NEURL1: variants seen among roughly 807,000 people sequenced by gnomAD.
NEURL1 encodes E3 ubiquitin-protein ligase NEURL1.
Under a neutral mutation model 41.2 loss-of-function variants are expected in NEURL1, and 26 were observed. That is an observed-to-expected ratio of 0.63 (90% CI 0.46 to 0.87). The LOEUF (loss-of-function observed/expected upper bound fraction) is 0.87. Among genes scored for constraint, NEURL1 ranks in the 40% least tolerant of loss-of-function variants. The probability of loss-of-function intolerance (pLI) is 0.00; values close to 1 mark genes in which losing one functional copy is unlikely to be tolerated. For missense variants in NEURL1, 761 were observed against 871.1 expected (o/e 0.87, Z 1.59); for synonymous variants, 400 against 402.3 (o/e 0.99, Z 0.07).
At chr10:103,531,280 G>A (rs1476794802) in intron 1 of NEURL1, among the ~76,000 whole-genome samples, 5 of 152,160 alleles carry the variant, frequency 3.3e-5, no homozygotes, top group Non-Finnish European at 7.3e-5. Flanking sequence ...TTTACATAGT[G>A]CAGTTTAAAT....
intron 1 of NEURL1, among the ~76,000 whole-genome samples, chr10:103,518,250 A>G (rs1435202210): frequency 2.0e-5 from 3 of 152,098 alleles, no homozygotes; most frequent in African/African-American, 7.2e-5. Flanking sequence ...AAAGTCTACT[A>G]TATTATTAAA....
At chr10:103,526,577 T>C (rs2034463826) in intron 1 of NEURL1, among the ~76,000 whole-genome samples, 1 of 152,204 alleles carries the variant, frequency 6.6e-6, no homozygotes. Context: ...AGTGGCACGA[T>C]GTCAGCTCAC....
At chr10:103,539,740 C>G (rs2034777963) in intron 1 of NEURL1, among the ~76,000 whole-genome samples, 1 of 152,224 alleles carries the variant, frequency 6.6e-6, no homozygotes, top group African/African-American at 2.4e-5. Flanking sequence ...AAAGACCACA[C>G]ATTTCAGCTT....
intron 1 of NEURL1, among the ~76,000 whole-genome samples, chr10:103,528,054 T>C (rs2034497305): frequency 6.6e-6 from 1 of 152,076 alleles, no homozygotes; most frequent in South Asian, 2.1e-4. Flanking sequence ...ACCCTGTCAC[T>C]AGTAAAAATA....
chr10:103,571,378 A>G (rs2035540630), intron 2 of NEURL1, 123 bp from the exon 3 acceptor site: 1 of 1,083,808 alleles, frequency 9.2e-7, no homozygotes, highest in African/African-American at 1.6e-5. Context: ...CTGGGAGGGA[A>G]CTGTGCTGGA....
intron 1 of NEURL1, chr10:103,517,394 G>A (rs2034240999): frequency 1.3e-5 from 2 of 152,196 alleles, no homozygotes; most frequent in Non-Finnish European, 2.9e-5. Context: ...ACTGTTTAAT[G>A]ACCTCCTACT....
At chr10:103,555,265 C>G (rs2035123838) in intron 1 of NEURL1, 6 of 1,092,514 alleles carry the variant, frequency 5.5e-6, no homozygotes, top group South Asian at 1.8e-5. Flanking sequence ...CCTGCCATGC[C>G]GGTCTCCGCC....
rs1010086637 is a variant in NEURL1 at position 103,570,879 on chromosome 10, C to T, written c.93C>T (p.Ile31=). Residue 31 remains isoleucine, a synonymous_variant, in exon 2 of 6, where the codon ATC becomes ATT. Coordinates refer to ENST00000369780, the MANE Select transcript of NEURL1 (RefSeq NM_004210.5). The stretch of plus-strand genomic sequence containing the variant: ...TGGCCTGTTCCTTTGCAGACTCTAT[C>T]GGGGGCCCCTTCCCCGTCACTTCTC... ...RGHPQNLKDS[I]GGPFPVTSHR... The T allele has an allele frequency of 1.4e-5, 22 of 1,612,892 alleles. No individual in the cohort carries two copies. The highest frequency in any genetic ancestry group is 3.3e-4 in the Middle Eastern group (2 of 6,080).
chr10:103,579,003 G>A (rs2035728316), intron 3 of NEURL1, among the ~76,000 whole-genome samples: 1 of 152,270 alleles, frequency 6.6e-6, no homozygotes, highest in Non-Finnish European at 1.5e-5. Context: ...TGCTCCGGAT[G>A]TGAGAACGTC....
At chr10:103,498,416 T>C (rs1380597885) in intron 1 of NEURL1, among the ~76,000 whole-genome samples, 4 of 152,112 alleles carry the variant, frequency 2.6e-5, no homozygotes, top group Non-Finnish European at 5.9e-5. Context: ...TTAGTAGAGA[T>C]GGAGTTTCAC....
At chr10:103,543,931 G>A (rs2034873670) in intron 1 of NEURL1, among the ~76,000 whole-genome samples, 1 of 152,186 alleles carries the variant, frequency 6.6e-6, no homozygotes, top group South Asian at 2.1e-4. Context: ...GGGGTAGGGG[G>A]GGTCATGGAA....
chr10:103,510,174 A>G (rs983486592), intron 1 of NEURL1, among the ~76,000 whole-genome samples: 28 of 152,104 alleles, frequency 1.8e-4, no homozygotes, highest in Non-Finnish European at 1.9e-4. Context: ...CCTTGGTGTA[A>G]GACTGTTTGT....
chr10:103,548,496 T>C (rs1022951316), intron 1 of NEURL1, among the ~76,000 whole-genome samples: 3 of 151,104 alleles, frequency 2.0e-5, no homozygotes, highest in African/African-American at 7.3e-5. Context: ...CTAATTTTTG[T>C]ATTTTTAGTA....
intron 1 of NEURL1, among the ~76,000 whole-genome samples, chr10:103,565,171 C>T (rs1388770382): frequency 6.6e-6 from 1 of 152,058 alleles, no homozygotes; most frequent in African/African-American, 2.4e-5. Flanking sequence ...GAGCCAGGAA[C>T]AGGGAGGGGC....
intron 1 of NEURL1, among the ~76,000 whole-genome samples, chr10:103,536,043 G>A (rs1253039908): frequency 6.6e-6 from 1 of 152,166 alleles, no homozygotes; most frequent in Admixed American, 6.5e-5. Flanking sequence ...AGAATTGCAG[G>A]GACTCCAGTG....
At chr10:103,583,369 T>A (rs955397860) in intron 3 of NEURL1, among the ~76,000 whole-genome samples, 21 of 151,956 alleles carry the variant, frequency 1.4e-4, no homozygotes, top group African/African-American at 5.1e-4. Flanking sequence ...GTAGTACATA[T>A]AAAAGGTAAA....
chr10:103,565,762 C>T (rs1251665926), intron 1 of NEURL1, among the ~76,000 whole-genome samples: 4 of 152,150 alleles, frequency 2.6e-5, no homozygotes, highest in African/African-American at 7.2e-5. Context: ...GTGATCCTCC[C>T]GCCTTAGTCA....
chr10:103,543,102 C>T (rs1296611225), intron 1 of NEURL1, among the ~76,000 whole-genome samples: 4 of 152,152 alleles, frequency 2.6e-5, no homozygotes, highest in Admixed American at 1.3e-4. Flanking sequence ...TGTCCCCTGC[C>T]GCTTTAATCC....
At chr10:103,522,759 T>G (rs1343684604) in intron 1 of NEURL1, among the ~76,000 whole-genome samples, 1 of 152,130 alleles carries the variant, frequency 6.6e-6, no homozygotes, top group Non-Finnish European at 1.5e-5. Context: ...CATTTACTAG[T>G]TGGTGTCTTG....
Sources: allele counts gnomAD v4.1 joint callset (sites outside exome capture counted in the v4.1 genomes callset), GRCh38; gene constraint gnomAD v4.1.1; transcripts MANE v1.5; gene names NCBI Gene and HGNC (gene_info 2026-07-23, HGNC 2026-07-21).